The following UGT1A7 variants were observed in gnomAD, a reference collection of about 807,000 sequenced individuals.
UGT1A7 encodes the protein UDP-glucuronosyltransferase 1A7.
UGT1A7 carries 33 observed loss-of-function variants against 45.6 expected under a neutral mutation model. The ratio of observed to expected loss-of-function variants is 0.72; its 90% CI spans 0.55 to 0.97. The LOEUF (loss-of-function observed/expected upper bound fraction) is 0.97, where lower values mean the gene tolerates loss of function less well. UGT1A7 is among the 50% of genes least tolerant of loss of function. The pLI is 0.00. For missense variants in UGT1A7, 684 were observed against 666.2 expected (o/e 1.03, Z -0.29); for synonymous variants, 274 against 250.6 (o/e 1.09, Z -0.88).
At chr2:233,743,641 G>A (rs750445210) in intron 1 of UGT1A7, 2 of 1,367,204 alleles carry the variant, frequency 1.5e-6, no homozygotes, top group East Asian at 4.5e-5. Context: ...GGTCGCGGAA[G>A]CTGAAGACGT....
At chr2:233,691,507 C>T in intron 1 of UGT1A7, 2 of 985,720 alleles carry the variant, frequency 2.0e-6, no homozygotes, top group Non-Finnish European at 2.4e-6. Flanking sequence ...AACTCGCGTG[C>T]CAGCCAGGTG....
intron 1 of UGT1A7, among the ~76,000 whole-genome samples, chr2:233,707,963 C>T (rs982486445): frequency 6.6e-6 from 1 of 152,190 alleles, no homozygotes; most frequent in South Asian, 2.1e-4. Flanking sequence ...TTTGCCCATT[C>T]AAGTCTATTG....
chr2:233,683,553 C>T (rs989486799), intron 1 of UGT1A7, among the ~76,000 whole-genome samples: 1 of 152,058 alleles, frequency 6.6e-6, no homozygotes, highest in Admixed American at 6.6e-5. Context: ...TGAGATTGGC[C>T]TTCTTTTGCT....
chr2:233,755,177 G>A (rs1258738102), intron 1 of UGT1A7: 6 of 1,239,024 alleles, frequency 4.8e-6, no homozygotes, highest in Non-Finnish European at 6.6e-6. Flanking sequence ...TTTTGTCGGG[G>A]TGCCACTTGA....
chr2:233,729,390 A>T (rs1190796582), intron 1 of UGT1A7: 1 of 1,613,904 alleles, frequency 6.2e-7, no homozygotes, highest in East Asian at 2.2e-5. Flanking sequence ...CCCAGGATGA[A>T]TTTGATCGCC....
intron 1 of UGT1A7, among the ~76,000 whole-genome samples, chr2:233,737,512 C>T (rs2078888926): frequency 6.6e-6 from 1 of 152,170 alleles, no homozygotes; most frequent in African/African-American, 2.4e-5. Context: ...CTTGCACTTC[C>T]TAGGTGAGGC....
intron 1 of UGT1A7, chr2:233,761,102 T>A: frequency 6.2e-7 from 1 of 1,614,234 alleles, no homozygotes; most frequent in Non-Finnish European, 8.5e-7. Context: ...ATGCCCAATA[T>A]GGTTTTTGTT....
At chr2:233,690,213 C>T (rs927576609) in intron 1 of UGT1A7, among the ~76,000 whole-genome samples, 4 of 152,156 alleles carry the variant, frequency 2.6e-5, no homozygotes, top group Non-Finnish European at 4.4e-5. Context: ...CAATGTTTGC[C>T]ATTTTAGTAT....
At chr2:233,725,764 C>G (rs1373965651) in intron 1 of UGT1A7, among the ~76,000 whole-genome samples, 2 of 152,148 alleles carry the variant, frequency 1.3e-5, no homozygotes, top group Admixed American at 1.3e-4. Context: ...ACATTTTCTT[C>G]ACATAGTTTG....
chr2:233,729,036 T>C, intron 1 of UGT1A7: 1 of 1,603,088 alleles, frequency 6.2e-7, no homozygotes, highest in African/African-American at 1.3e-5. Flanking sequence ...ATTTGCTAAG[T>C]GGCTCAGTGA....
chr2:233,702,177 T>C (rs2075673724), intron 1 of UGT1A7, among the ~76,000 whole-genome samples: 1 of 152,186 alleles, frequency 6.6e-6, no homozygotes. Flanking sequence ...CTTCTTTCTC[T>C]CCTTCCTCCA....
chr2:233,738,999 G>A (rs907486973), intron 1 of UGT1A7: 14 of 152,246 alleles, frequency 9.2e-5, no homozygotes, highest in African/African-American at 2.7e-4. Flanking sequence ...TTGGTGCCCT[G>A]TGTCCCAGTG....
At chr2:233,757,306 AGGGG>A in intron 1 of UGT1A7, among the ~76,000 whole-genome samples, 1 of 7,688 alleles carries the variant, frequency 1.3e-4, no homozygotes. Flanking sequence ...GTTGGGGGAC[AGGGG>A]GGCTGGGGCC....
At chr2:233,728,912 TC>T in intron 1 of UGT1A7, among the ~76,000 whole-genome samples, 1 of 148,378 alleles carries the variant, frequency 6.7e-6, no homozygotes, top group Non-Finnish European at 1.5e-5. Context: ...GACGTGTTTT[TC>T]AAGATAGTCA....
chr2:233,766,305 G>A (rs1441767002), intron 1 of UGT1A7, among the ~76,000 whole-genome samples: 4 of 152,018 alleles, frequency 2.6e-5, no homozygotes, highest in African/African-American at 7.2e-5. Flanking sequence ...GCTCTCCTCC[G>A]ACTGCCTCAG....
intron 1 of UGT1A7, among the ~76,000 whole-genome samples, chr2:233,757,672 G>A (rs1236186994): frequency 2.0e-5 from 3 of 151,168 alleles, no homozygotes; most frequent in Admixed American, 2.0e-4. Context: ...GGAAATTCAA[G>A]GAATTCAAGG....
chr2:233,769,826 G>A lies in UGT1A7; in HGVS notation c.1295+1387G>A. ...GCCGTGATCATGCCACTGCACTCCA[G>A]CAACCTGGGCAACAGAGTGAGACCC... On this transcript the variant is annotated intron_variant, in intron 4 of 4. Transcript: ENST00000373426. This position sits in a 1 kb window ranked among gnomAD's most constrained non-coding sequence, Gnocchi z 4.4. 1.5e-6 allele frequency: 1 copy of A among 678,694 alleles called. No individual in the cohort carries two copies. Among genetic ancestry groups the A allele is most frequent in the East Asian group, 3.3e-5 (1 of 29,888 alleles). The allele number at this position is 678,694 out of a possible 1,614,324, so 42.0% of individuals were successfully genotyped here.
chr2:233,692,785 T>C (rs1043155018), intron 1 of UGT1A7: 2 of 1,351,836 alleles, frequency 1.5e-6, no homozygotes, highest in African/African-American at 1.5e-5. Flanking sequence ...GAAGCTCAGG[T>C]GAAAGCTGAC....
chr2:233,745,619 A>G (rs976825900), intron 1 of UGT1A7, among the ~76,000 whole-genome samples: 4 of 151,618 alleles, frequency 2.6e-5, no homozygotes, highest in Non-Finnish European at 5.9e-5. Context: ...CACACAATGA[A>G]CAGTCATAGA....
Sources: allele counts gnomAD v4.1 joint callset (sites outside exome capture counted in the v4.1 genomes callset), GRCh38; gene constraint gnomAD v4.1.1; non-coding constraint Gnocchi (gnomAD v3.1); transcripts MANE v1.5; gene names NCBI Gene and HGNC (gene_info 2026-07-23, HGNC 2026-07-21).